Variants in RAP1GAP2 observed in about 807,000 individuals in gnomAD.
RAP1GAP2 encodes the protein rap1 GTPase-activating protein 2.
In RAP1GAP2, 27 loss-of-function variants were observed where a neutral mutation model predicts 95.0. The observed-to-expected ratio is 0.28, with a 90% CI of 0.21 to 0.39. RAP1GAP2 has a LOEUF of 0.39. Ranked by LOEUF, RAP1GAP2 falls within the 10% of genes least tolerant of loss-of-function variation. The pLI is 1.00. For missense variants in RAP1GAP2, 771 were observed against 970.0 expected, an observed-to-expected ratio of 0.79 and a Z score of 2.72; for synonymous variants, 373 against 380.9, an observed-to-expected ratio of 0.98 and a Z score of 0.24.
intron 2 of RAP1GAP2, among the ~76,000 whole-genome samples, chr17:2,818,324 TA>T (rs1233092365): frequency 0.028 from 4,151 of 148,644 alleles, 209 homozygotes; most frequent in African/African-American, 0.098. Flanking sequence ...TTTATTTATT[TA>T]TTTATTTATT....
At chr17:2,802,709 A>C (rs942897968) in intron 2 of RAP1GAP2, among the ~76,000 whole-genome samples, 1 of 152,090 alleles carries the variant, frequency 6.6e-6, no homozygotes, top group Non-Finnish European at 1.5e-5. Context: ...GTCTCAAAAA[A>C]AAAAGTCTAG....
rs538514389 is a variant in RAP1GAP2, at chr17:2,866,961, T to C, written c.81-38323T>C. On this transcript the variant is annotated intron_variant, in intron 2 of 24. Coordinates refer to ENST00000254695, the MANE Select transcript of RAP1GAP2 (RefSeq NM_015085.5). This position sits in a 1 kb window ranked among gnomAD's most constrained non-coding sequence, Gnocchi z 4.0. ...TGTCACCCAGGCTGGAGTGCAGTGG[T>C]ACAATCTCGGCTCACTGCAACCTCC... is the stretch of plus-strand genomic sequence containing the variant. Among the ~76,000 whole-genome samples, 2 of 152,110 alleles carry C rather than the reference T, an allele frequency of 1.3e-5. No individual in the cohort carries two copies. Among genetic ancestry groups the C allele is most frequent in the South Asian group, 4.2e-4 (2 of 4,812 alleles).
intron 18 of RAP1GAP2, among the ~76,000 whole-genome samples, chr17:3,019,339 C>T (rs890318524): frequency 6.6e-6 from 1 of 152,022 alleles, no homozygotes; most frequent in African/African-American, 2.4e-5. Flanking sequence ...AAGTGAGACC[C>T]CATCTCTACA....
At chr17:2,768,686 C>T (rs1200223552) in intron 1 of RAP1GAP2, among the ~76,000 whole-genome samples, 2 of 98,758 alleles carry the variant, frequency 2.0e-5, no homozygotes, top group African/African-American at 7.8e-5. Context: ...GAGCGAAACT[C>T]TGTCTCAAAA....
intron 2 of RAP1GAP2, among the ~76,000 whole-genome samples, chr17:2,832,348 G>A (rs1233409395): frequency 6.6e-6 from 1 of 151,130 alleles, no homozygotes; most frequent in Non-Finnish European, 1.5e-5. Context: ...CACGAGGTCA[G>A]GAGATCGAGA....
intron 2 of RAP1GAP2, among the ~76,000 whole-genome samples, chr17:2,836,597 A>G (rs926942830): frequency 2.0e-5 from 3 of 152,068 alleles, no homozygotes; most frequent in Non-Finnish European, 4.4e-5. Context: ...ACGTCACTGC[A>G]CTCCAGCCTG....
intron 3 of RAP1GAP2, among the ~76,000 whole-genome samples, chr17:2,951,209 T>G (rs898003718): frequency 6.6e-6 from 1 of 152,236 alleles, no homozygotes; most frequent in Non-Finnish European, 1.5e-5. Context: ...GCTGATCCAC[T>G]AACGCTTCAC....
intron 3 of RAP1GAP2, among the ~76,000 whole-genome samples, chr17:2,932,683 G>C (rs2043191663): frequency 6.6e-6 from 1 of 150,836 alleles, no homozygotes; most frequent in East Asian, 1.9e-4. Context: ...AGGAGTGGTG[G>C]CGGGCGCCTG....
rs541696642 is a variant in RAP1GAP2 at position 2,949,963 on chromosome 17, C to A, written c.166-7796C>A. Among the ~76,000 whole-genome samples the A allele has an allele frequency of 2.0e-5, 3 of 152,330 alleles. No homozygotes were observed. In the South Asian group the frequency reaches 6.2e-4, roughly 32 times the overall value. On this transcript the variant is annotated intron_variant, in intron 3 of 24. Coordinates refer to ENST00000254695, the MANE Select transcript of RAP1GAP2 (RefSeq NM_015085.5). Reference sequence around the variant, plus strand: ...CATCCACCCAGCACGTTGCTCATGGCTGAGGCTGAATCATAGCCCTTCTCA... The same window carrying A: ...CATCCACCCAGCACGTTGCTCATGGATGAGGCTGAATCATAGCCCTTCTCA...
intron 13 of RAP1GAP2, among the ~76,000 whole-genome samples, chr17:2,996,172 C>G (rs1597826662): frequency 1.3e-5 from 2 of 152,116 alleles, no homozygotes; most frequent in Admixed American, 1.3e-4. Context: ...TCACAGGCTC[C>G]TCTCTCACCA....
At chr17:2,755,727 C>T in exon 1 of RAP1GAP2, 1 of 339,014 alleles carries the variant, frequency 2.9e-6, no homozygotes, top group Non-Finnish European at 5.3e-6. Context: ...CATGGCGGGC[C>T]GCCGGGCGCC....
Position 2,855,673 on chromosome 17 carries a change from C to T in RAP1GAP2, c.81-49611C>T, listed in dbSNP as rs552229678. Among the ~76,000 whole-genome samples the T allele has an allele frequency of 1.7e-4, 26 of 152,246 alleles. No homozygotes were observed. The highest frequency in any genetic ancestry group is 3.4e-4 in the Non-Finnish European group (23 of 68,014). On this transcript the variant is annotated intron_variant, in intron 2 of 24. Coordinates refer to ENST00000254695, the MANE Select transcript of RAP1GAP2 (RefSeq NM_015085.5). The surrounding 1 kb of genome is among the most constrained non-coding windows in gnomAD (Gnocchi z 4.3). ...GTTAGCCCAAGCTGGAGTACAGTGG[C>T]GCCATCTCGGCCCACTGCAACCTCC...
At chr17:2,975,355 T>C (rs1333430468) in intron 8 of RAP1GAP2, among the ~76,000 whole-genome samples, 2 of 152,240 alleles carry the variant, frequency 1.3e-5, no homozygotes, top group Non-Finnish European at 2.9e-5. Flanking sequence ...AGCTATATTC[T>C]GCTTATAAGA....
intron 3 of RAP1GAP2, among the ~76,000 whole-genome samples, chr17:2,940,652 C>G (rs1187802457): frequency 1.3e-5 from 2 of 152,146 alleles, no homozygotes; most frequent in African/African-American, 4.8e-5. Context: ...CCTCTGCTGC[C>G]AAGCCACACT....
At chr17:2,927,448 C>G (rs763021286) in intron 3 of RAP1GAP2, among the ~76,000 whole-genome samples, 1 of 152,204 alleles carries the variant, frequency 6.6e-6, no homozygotes, top group Non-Finnish European at 1.5e-5. Context: ...CCACCGCGCC[C>G]GGCTGAGCAA....
At chr17:2,919,316 C>T (rs1316985564) in intron 3 of RAP1GAP2, among the ~76,000 whole-genome samples, 1 of 152,140 alleles carries the variant, frequency 6.6e-6, no homozygotes, top group East Asian at 1.9e-4. Flanking sequence ...ACAGGGGTCT[C>T]CAGGGTGGCA....
At chr17:2,792,990 G>A (rs367938512), upstream of RAP1GAP2, among the ~76,000 whole-genome samples, 3 of 152,198 alleles carry the variant, frequency 2.0e-5, no homozygotes, top group Admixed American at 2.0e-4. Flanking sequence ...GCGGCGGGCA[G>A]CTTTCACATG....
At chr17:2,765,569 G>A (rs746178074) in intron 1 of RAP1GAP2, among the ~76,000 whole-genome samples, 18 of 151,852 alleles carry the variant, frequency 1.2e-4, no homozygotes, top group Middle Eastern at 3.4e-3. Flanking sequence ...GTGAAACCCC[G>A]TCTCTACTAA....
chr17:2,771,306 C>G (rs1011811916), intron 2 of RAP1GAP2, among the ~76,000 whole-genome samples: 3 of 151,926 alleles, frequency 2.0e-5, no homozygotes, highest in Admixed American at 2.0e-4. Context: ...TTTTCTGACC[C>G]AGATCCTTGC....
Sources: allele counts gnomAD v4.1 joint callset (sites outside exome capture counted in the v4.1 genomes callset), GRCh38; gene constraint gnomAD v4.1.1; non-coding constraint Gnocchi (gnomAD v3.1); transcripts MANE v1.5; gene names NCBI Gene and HGNC (gene_info 2026-07-23, HGNC 2026-07-21).